ITFG2: variants seen among roughly 807,000 people sequenced by gnomAD.
ITFG2 encodes integrin alpha FG-GAP repeat containing 2.
In ITFG2, 36 loss-of-function variants were observed where a neutral mutation model predicts 54.4. The ratio of observed to expected loss-of-function variants is 0.66; its 90% CI spans 0.51 to 0.87. The LOEUF (loss-of-function observed/expected upper bound fraction) is 0.87. ITFG2 is among the 40% of genes least tolerant of loss of function. The probability of loss-of-function intolerance (pLI) is 0.00; values close to 1 mark genes in which losing one functional copy is unlikely to be tolerated. For synonymous variants in ITFG2, 211 were observed against 225.4 expected (o/e 0.94, Z 0.57); for missense variants, 524 against 576.7 (o/e 0.91, Z 0.94).
downstream of ITFG2, chr12:2,825,755 C>T (rs2097963515): frequency 6.6e-6 from 1 of 152,320 alleles, no homozygotes; most frequent in Non-Finnish European, 1.5e-5. Context: ...CACTGTCTTT[C>T]TCTGCTCCTT....
At chr12:2,834,673 C>T (rs1455020939), upstream of ITFG2, 1 of 1,610,344 alleles carries the variant, frequency 6.2e-7, no homozygotes, top group South Asian at 1.1e-5. Flanking sequence ...CCTCTTGAGG[C>T]TGTCCAGCGG....
At chr12:2,855,527 T>C in intron 2 of ITFG2, 3 of 1,120,696 alleles carry the variant, frequency 2.7e-6, no homozygotes, top group Non-Finnish European at 3.5e-6. Context: ...CCGCTCTCCT[T>C]CCCAGGCACG....
In ITFG2 at chr12:2,821,848, G is replaced by A. The variant is rs371001444; in HGVS notation, c.948+56G>A. The A allele has an allele frequency of 6.1e-6, 8 of 1,308,972 alleles. No homozygotes were observed. In the South Asian group the frequency reaches 7.3e-5, roughly 12 times the overall value. The allele number at this position is 1,308,972 out of a possible 1,614,324, so 81.1% of individuals were successfully genotyped here. On this transcript the variant is annotated intron_variant, in intron 9 of 11. Transcript: ENST00000228799. ...TCCTGCGTTTTCCACATGGAGAGATGAGATTTGGAATAATCAGGCTATTCT... is the reference window on the plus strand; with the variant it reads ...TCCTGCGTTTTCCACATGGAGAGATAAGATTTGGAATAATCAGGCTATTCT...
exon 4 of ITFG2, chr12:2,859,553 G>C (rs1315667351): frequency 1.2e-6 from 2 of 1,614,012 alleles, no homozygotes; most frequent in East Asian, 2.2e-5. Flanking sequence ...CTTCCTCCTT[G>C]ATAGTCTGAA....
downstream of ITFG2, chr12:2,827,061 G>C: frequency 6.7e-7 from 1 of 1,482,360 alleles, no homozygotes; most frequent in Non-Finnish European, 8.9e-7. The surrounding 1 kb of genome is among the most constrained non-coding windows in gnomAD (Gnocchi z 4.0). Context: ...GGCCAGCTGG[G>C]GAAAATGGGA....
At chr12:2,848,197 A>G (rs528176248) in intron 2 of ITFG2, among the ~76,000 whole-genome samples, 2 of 152,308 alleles carry the variant, frequency 1.3e-5, no homozygotes, top group South Asian at 4.1e-4. Flanking sequence ...AAATGGAGAC[A>G]AAGAAGGCCG....
In ITFG2 at chr12:2,818,029, C is replaced by T. The variant is rs866146579; in HGVS notation, c.235-77C>T. ...GAAGGTTAAAGGCTTCAGCTCTGAC[C>T]TCTGTGATCTGATGATCAGGCTTGT... On this transcript the variant is annotated intron_variant, in intron 3 of 11. Coordinates refer to ENST00000228799, the MANE Select transcript of ITFG2 (RefSeq NM_018463.4). The T allele has an allele frequency of 1.1e-5, 17 of 1,608,854 alleles. No homozygotes were observed. The Middle Eastern group carries it at 2.5e-3, about 235-fold the overall frequency.
At chr12:2,848,866 G>GACAC (rs57562074) in intron 2 of ITFG2, among the ~76,000 whole-genome samples, 2 of 115,768 alleles carry the variant, frequency 1.7e-5, no homozygotes, top group Non-Finnish European at 3.6e-5. Flanking sequence ...CACCCCAACA[G>GACAC]ACACACACAC....
At chr12:2,849,049 C>T in intron 2 of ITFG2, 2 of 629,410 alleles carry the variant, frequency 3.2e-6, no homozygotes, top group Non-Finnish European at 5.3e-6. Flanking sequence ...TTTAGAATTT[C>T]AGTTGAATCT....
chr12:2,827,285 C>T (rs754790780), downstream of ITFG2: 1 of 1,613,824 alleles, frequency 6.2e-7, no homozygotes, highest in South Asian at 1.1e-5. This position sits in a 1 kb window ranked among gnomAD's most constrained non-coding sequence, Gnocchi z 4.0. Flanking sequence ...CTCCGTGCTC[C>T]AGGTCGATGC....
At chr12:2,855,670 C>T (rs1279232391) in intron 2 of ITFG2, among the ~76,000 whole-genome samples, 1 of 152,150 alleles carries the variant, frequency 6.6e-6, no homozygotes, top group Non-Finnish European at 1.5e-5. Context: ...TGATCTCTTG[C>T]CATTGACCAT....
intron 3 of ITFG2, chr12:2,858,634 G>A (rs1169246656): frequency 1.2e-6 from 2 of 1,612,268 alleles, no homozygotes; most frequent in Admixed American, 3.3e-5. Flanking sequence ...GCAAGGGCAG[G>A]GCTCTACTGT....
At chr12:2,849,350 T>A (rs1393693978) in intron 2 of ITFG2, 6 of 1,536,162 alleles carry the variant, frequency 3.9e-6, no homozygotes, top group Non-Finnish European at 5.2e-6. Flanking sequence ...AAATCCCTTA[T>A]GAGGTCCTGG....
chr12:2,840,171 G>A (rs1448260796), intron 1 of ITFG2, among the ~76,000 whole-genome samples: 1 of 152,044 alleles, frequency 6.6e-6, no homozygotes, highest in African/African-American at 2.4e-5. Context: ...AAAGATGGCC[G>A]GGCGCAGTGG....
At chr12:2,828,144 A>T, downstream of ITFG2, 2 of 1,277,570 alleles carry the variant, frequency 1.6e-6, no homozygotes, top group Non-Finnish European at 2.2e-6. Flanking sequence ...TTTCATCTCC[A>T]ACCCCTGACC....
chr12:2,834,336 GGTTCCTGT>G (rs1413199639), upstream of ITFG2, among the ~76,000 whole-genome samples: 2 of 152,164 alleles, frequency 1.3e-5, no homozygotes, highest in African/African-American at 4.8e-5. Flanking sequence ...CACTCTAGAG[GGTTCCTGT>G]GTTCCTGTAA....
chr12:2,835,237 CAG>C (rs952941759), upstream of ITFG2: 1 of 977,530 alleles, frequency 1.0e-6, no homozygotes, highest in Non-Finnish European at 1.2e-6. Context: ...TGTAAACTGT[CAG>C]GGTGCCCGTG....
downstream of ITFG2, among the ~76,000 whole-genome samples, chr12:2,831,059 C>A (rs561818813): frequency 6.6e-6 from 1 of 150,898 alleles, no homozygotes; most frequent in East Asian, 2.0e-4. Flanking sequence ...TCCTTGGACA[C>A]CCATAGATTG....
At chr12:2,843,061 G>C (rs1012024636) in intron 2 of ITFG2, among the ~76,000 whole-genome samples, 3 of 152,172 alleles carry the variant, frequency 2.0e-5, no homozygotes, top group African/African-American at 7.2e-5. Flanking sequence ...ATGGAGAGGA[G>C]AGCTCCTCTG....
Sources: gnomAD v4.1 joint callset for allele counts (sites outside exome capture counted in the v4.1 genomes callset) on GRCh38, gnomAD v4.1.1 for gene constraint, Gnocchi (gnomAD v3.1) non-coding constraint, MANE v1.5 for transcripts, NCBI Gene and HGNC (gene_info 2026-07-23, HGNC 2026-07-21) for gene names.